The following SH3PXD2A variants were observed in gnomAD, a reference collection of about 807,000 sequenced individuals.
SH3PXD2A encodes the protein SH3 and PX domains 2A.
Under a neutral mutation model 115.2 loss-of-function variants are expected in SH3PXD2A, and 32 were observed. That is an observed-to-expected ratio of 0.28 (90% CI 0.21 to 0.37). The LOEUF is 0.37. Among genes scored for constraint, SH3PXD2A ranks in the 10% least tolerant of loss-of-function variants. The pLI is 1.00. For synonymous variants in SH3PXD2A, 610 were observed against 629.1 expected, an observed-to-expected ratio of 0.97 and a Z score of 0.45; for missense variants, 1,328 against 1,498.7, an observed-to-expected ratio of 0.89 and a Z score of 1.88.
rs2036292779 is a variant in SH3PXD2A, at chr10:103,605,914, A to T, written c.1312T>A (p.Phe438Ile). The T allele has an allele frequency of 6.2e-7, 1 of 1,613,778 alleles. No individual in the cohort carries two copies. Among genetic ancestry groups the T allele is most frequent in the Admixed American group, 1.7e-5 (1 of 59,976 alleles). Residue 438 changes from phenylalanine (F) to isoleucine (I), a missense_variant, in exon 14 of 15, where the codon TTC becomes ATC. Physicochemically the swap from Phe to Ile is conservative, Grantham distance 21. Coordinates refer to ENST00000369774, the MANE Select transcript of SH3PXD2A (RefSeq NM_001394015.1). ...PPPRRESSLG[F>I]QLPKPPEPPS... Reference sequence around the variant, plus strand: ...GGCTCTGGTGGCTTTGGCAGTTGGAACCCCTAAGGTTAAGGAACACACAGT... The same window carrying T: ...GGCTCTGGTGGCTTTGGCAGTTGGATCCCCTAAGGTTAAGGAACACACAGT...
chr10:103,720,019 C>A (rs1208412720), intron 5 of SH3PXD2A, among the ~76,000 whole-genome samples: 1 of 152,224 alleles, frequency 6.6e-6, no homozygotes, highest in Non-Finnish European at 1.5e-5. Flanking sequence ...CGTGCCCGGC[C>A]ACACTAGGTA....
chr10:103,755,821 C>T (rs1287258187), intron 3 of SH3PXD2A, among the ~76,000 whole-genome samples: 2 of 152,172 alleles, frequency 1.3e-5, no homozygotes, highest in African/African-American at 2.4e-5. Flanking sequence ...CTCACTAAGG[C>T]GAAATCTGGC....
rs748543281 is a variant in SH3PXD2A at position 103,693,018 on chromosome 10, G to C, written c.427+10C>G. 1 of 1,611,726 alleles carries C rather than the reference G, an allele frequency of 6.2e-7. No homozygotes were observed. The highest frequency in any genetic ancestry group is 8.5e-7 in the Non-Finnish European group (1 of 1,178,354). On this transcript the variant is annotated intron_variant, in intron 6 of 14. Transcript: ENST00000369774. ...AAGGCTGAAGGGAAAACGCCCGGAG[G>C]CTCCCTTACCTGATTTCCTCTTGGA... is the stretch of plus-strand genomic sequence containing the variant.
At chr10:103,828,479 G>T (rs770527611) in intron 1 of SH3PXD2A, among the ~76,000 whole-genome samples, 1 of 152,194 alleles carries the variant, frequency 6.6e-6, no homozygotes, top group Non-Finnish European at 1.5e-5. Flanking sequence ...ATTAAAACAA[G>T]TTGACTCCTG....
intron 2 of SH3PXD2A, among the ~76,000 whole-genome samples, chr10:103,777,754 A>G (rs1412074747): frequency 6.6e-6 from 1 of 152,162 alleles, no homozygotes; most frequent in Non-Finnish European, 1.5e-5. Flanking sequence ...GAGAAAGAGC[A>G]CTAGGTTGGA....
chr10:103,676,969 C>A (rs1365522358), intron 6 of SH3PXD2A, among the ~76,000 whole-genome samples: 1 of 152,176 alleles, frequency 6.6e-6, no homozygotes, highest in Non-Finnish European at 1.5e-5. Context: ...TGCGTTCACA[C>A]AGAGAAGGAG....
At chr10:103,855,173 G>T in intron 1 of SH3PXD2A, 22 bp downstream of exon 1, 1 of 1,513,598 alleles carries the variant, frequency 6.6e-7, no homozygotes, top group Non-Finnish European at 8.9e-7. Flanking sequence ...CCCCCAGCAG[G>T]GTCGGCGGGG....
At chr10:103,693,087 G>A in intron 5 of SH3PXD2A, 31 bp from the exon 6 acceptor site, 4 of 1,610,152 alleles carry the variant, frequency 2.5e-6, no homozygotes, top group Non-Finnish European at 3.4e-6. Flanking sequence ...GATAGACATG[G>A]TTAGGGCCGG....
rs766972032 is a variant in SH3PXD2A at position 103,601,978 on chromosome 10, G to A, written c.3240C>T (p.Ile1080=). Residue 1080 remains isoleucine, a synonymous_variant, in exon 15 of 15, where the codon ATC becomes ATT. Transcript: ENST00000369774. The part of the protein sequence containing the change: ...HNNLKDVYVS[I]ADYEGDEETA... ...TCTCCTCATCCCCCTCGTAGTCTGC[G>A]ATAGAGACGTACACATCTTTGAGGT... The A allele has an allele frequency of 3.1e-6, 5 of 1,614,038 alleles. No homozygotes were observed. The highest frequency in any genetic ancestry group is 2.2e-5 in the South Asian group (2 of 91,062).
intron 3 of SH3PXD2A, among the ~76,000 whole-genome samples, chr10:103,752,579 G>A (rs1309309533): frequency 6.6e-6 from 1 of 152,164 alleles, no homozygotes; most frequent in Non-Finnish European, 1.5e-5. Context: ...GGACAGCAAA[G>A]CAGACCCCAG....
chr10:103,849,618 G>A (rs2134328971), intron 1 of SH3PXD2A, among the ~76,000 whole-genome samples: 1 of 152,322 alleles, frequency 6.6e-6, no homozygotes, highest in African/African-American at 2.4e-5. Flanking sequence ...CTGCCCACCT[G>A]TGACTGGCTG....
At chr10:103,794,670 C>T (rs145260055) in intron 2 of SH3PXD2A, among the ~76,000 whole-genome samples, 52 of 152,372 alleles carry the variant, frequency 3.4e-4, no homozygotes, top group African/African-American at 9.1e-4. Flanking sequence ...AAATGGGCCT[C>T]GACGTTAGGC....
chr10:103,639,781 G>A (rs1229312244), intron 8 of SH3PXD2A, among the ~76,000 whole-genome samples: 1 of 152,144 alleles, frequency 6.6e-6, no homozygotes, highest in African/African-American at 2.4e-5. Flanking sequence ...GATGCAAGAA[G>A]GTAAACTCTA....
At chr10:103,812,296 C>T (rs1427541912) in intron 1 of SH3PXD2A, among the ~76,000 whole-genome samples, 1 of 152,186 alleles carries the variant, frequency 6.6e-6, no homozygotes, top group Non-Finnish European at 1.5e-5. Context: ...CCCAGGAGCC[C>T]AGAGAGGGCG....
intron 1 of SH3PXD2A, among the ~76,000 whole-genome samples, chr10:103,833,925 T>A (rs1271883635): frequency 6.6e-6 from 1 of 152,154 alleles, no homozygotes; most frequent in African/African-American, 2.4e-5. Flanking sequence ...CAAATAAAGA[T>A]GCTTTTTTGT....
intron 1 of SH3PXD2A, among the ~76,000 whole-genome samples, chr10:103,847,188 G>A (rs1564903454): frequency 6.6e-6 from 1 of 152,134 alleles, no homozygotes. Flanking sequence ...TGCTGTTGCC[G>A]AGGCTGGAAT....
chr10:103,777,481 ATTCCGTGGGTGGGGGCTGG>A, intron 2 of SH3PXD2A, among the ~76,000 whole-genome samples: 1 of 152,250 alleles, frequency 6.6e-6, no homozygotes, highest in East Asian at 1.9e-4. Flanking sequence ...CCAGCAGCTC[ATTCCGTGGGTGGGGGCTGG>A]CCAGGACGTG....
intron 5 of SH3PXD2A, among the ~76,000 whole-genome samples, chr10:103,705,585 T>C (rs1214869752): frequency 6.6e-6 from 1 of 152,186 alleles, no homozygotes; most frequent in Non-Finnish European, 1.5e-5. Context: ...AGCATGTGAC[T>C]TGCCCAAAGT....
At chr10:103,608,960 T>G (rs186459107) in intron 13 of SH3PXD2A, 1 of 151,990 alleles carries the variant, frequency 6.6e-6, no homozygotes, top group Admixed American at 6.5e-5. Context: ...GGGCAAATAG[T>G]GAGACCCCAT....
Sources: gnomAD v4.1 joint callset for allele counts (sites outside exome capture counted in the v4.1 genomes callset) on GRCh38, gnomAD v4.1.1 for gene constraint, MANE v1.5 for transcripts, NCBI Gene and HGNC (gene_info 2026-07-23, HGNC 2026-07-21) for gene names.